THSD4: variants seen among roughly 807,000 people sequenced by gnomAD.
THSD4 encodes thrombospondin type-1 domain-containing protein 4.
A neutral mutation model predicts 119.0 loss-of-function variants in THSD4; 69 were observed. That is an observed-to-expected ratio of 0.58 (90% confidence interval 0.48 to 0.71). THSD4 has a LOEUF of 0.71. THSD4 is among the 30% of genes least tolerant of loss of function. THSD4 has a pLI of 0.00. For missense variants in THSD4, 1,393 were observed against 1,391.1 expected (o/e 1.00, Z -0.02); for synonymous variants, 524 against 540.4 (o/e 0.97, Z 0.42).
chr15:71,437,858 T>A (rs1441354), intron 7 of THSD4, among the ~76,000 whole-genome samples: 51,024 of 152,100 alleles, frequency 0.34, 8,728 homozygotes, highest in Middle Eastern at 0.47. Context: ...GCTATCCACT[T>A]TTTGGCTATT....
At chr15:71,197,037 A>G (rs189196122) in intron 3 of THSD4, among the ~76,000 whole-genome samples, 14 of 152,178 alleles carry the variant, frequency 9.2e-5, no homozygotes, top group African/African-American at 3.1e-4. Context: ...GGGCAAGAGA[A>G]AGAGAAAAAC....
chr15:71,247,994 G>C (rs1254260683), intron 5 of THSD4, among the ~76,000 whole-genome samples: 2 of 152,166 alleles, frequency 1.3e-5, no homozygotes, highest in Non-Finnish European at 2.9e-5. Flanking sequence ...AGACTCAGTT[G>C]GGCTTGATTG....
intron 7 of THSD4, among the ~76,000 whole-genome samples, chr15:71,478,535 C>G (rs2047682586): frequency 6.6e-6 from 1 of 152,152 alleles, no homozygotes; most frequent in Admixed American, 6.6e-5. Context: ...AAATCAAAGT[C>G]ACAACAGCAC....
rs1227460051 is a variant in THSD4 at position 71,728,975 on chromosome 15, C to T, written c.1533+251C>T. 9 of 514,620 alleles carry T rather than the reference C, an allele frequency of 1.7e-5. No individual in the cohort carries two copies. The Middle Eastern group carries it at 1.6e-3, about 93-fold the overall frequency. The allele number at this position is 514,620 out of a possible 1,614,324, so 31.9% of individuals were successfully genotyped here. ...TCGGAGTTTATTGACCCAGTAAAAC[C>T]AATTTTACTTGTTGAACCAAATCAG... On this transcript the variant is annotated intron_variant, in intron 9 of 17. Coordinates refer to ENST00000261862, the MANE Select transcript of THSD4 (RefSeq NM_024817.3).
intron 6 of THSD4, among the ~76,000 whole-genome samples, chr15:71,411,441 C>G (rs79883588): frequency 0.029 from 4,466 of 152,216 alleles, 240 homozygotes; most frequent in African/African-American, 0.1. Flanking sequence ...TGACAGCTCA[C>G]AGGCACAGGG....
intron 7 of THSD4, among the ~76,000 whole-genome samples, chr15:71,488,427 C>T (rs143495455): frequency 3.9e-5 from 6 of 152,238 alleles, no homozygotes; most frequent in African/African-American, 9.6e-5. Context: ...TTATTGCTCA[C>T]GTCAGAAAAC....
chr15:71,361,093 G>T (rs978355827), intron 6 of THSD4, among the ~76,000 whole-genome samples: 5 of 152,192 alleles, frequency 3.3e-5, no homozygotes, highest in African/African-American at 1.2e-4. Flanking sequence ...GCAGGCAAGG[G>T]TGGCACATGC....
rs189716518 is a variant in THSD4, at chr15:71,135,366, A to T, written c.-79-6083A>T. Among the ~76,000 whole-genome samples the T allele has an allele frequency of 4.0e-3, 596 of 147,822 alleles. 5 individuals carry two copies. The highest frequency in any genetic ancestry group is 0.014 in the African/African-American group (573 of 40,014). ...TACCCTAAAACTTAAAGTATAATAA[A>T]AAAAAAAAAGAAACTTACTAAATGA... is the stretch of plus-strand genomic sequence containing the variant. On this transcript the variant is annotated intron_variant, in intron 1 of 17. Coordinates refer to ENST00000261862, the MANE Select transcript of THSD4 (RefSeq NM_024817.3).
At chr15:71,348,917 C>T (rs1304623051) in intron 6 of THSD4, among the ~76,000 whole-genome samples, 1 of 152,222 alleles carries the variant, frequency 6.6e-6, no homozygotes, top group East Asian at 1.9e-4. Flanking sequence ...TATGCAGGTT[C>T]TTGCATTTTT....
intron 6 of THSD4, among the ~76,000 whole-genome samples, chr15:71,351,059 C>T (rs1340686242): frequency 6.6e-6 from 1 of 152,150 alleles, no homozygotes; most frequent in Non-Finnish European, 1.5e-5. Flanking sequence ...GAAGTGCTTT[C>T]TAAGGCCAGC....
chr15:71,285,737 C>A (rs1231233202), intron 6 of THSD4, among the ~76,000 whole-genome samples: 1 of 151,536 alleles, frequency 6.6e-6, no homozygotes, highest in Admixed American at 6.6e-5. Flanking sequence ...ACCTGTAGTC[C>A]CAGCTATTCA....
chr15:71,617,891 C>T (rs116995465), intron 7 of THSD4, among the ~76,000 whole-genome samples: 7,822 of 152,230 alleles, frequency 0.051, 297 homozygotes, highest in Admixed American at 0.1. Flanking sequence ...AACAATTTTC[C>T]AGTTAGCTCC....
At chr15:71,557,782 TTATC>T in intron 7 of THSD4, among the ~76,000 whole-genome samples, 1 of 152,316 alleles carries the variant, frequency 6.6e-6, no homozygotes, top group African/African-American at 2.4e-5. Context: ...TACCTTCTAA[TTATC>T]TACAGCATCT....
intron 7 of THSD4, among the ~76,000 whole-genome samples, chr15:71,452,746 G>C (rs1423404446): frequency 6.6e-6 from 1 of 152,108 alleles, no homozygotes; most frequent in East Asian, 1.9e-4. Flanking sequence ...CTCCCACGTA[G>C]CTGGGATTAC....
intron 7 of THSD4, among the ~76,000 whole-genome samples, chr15:71,431,361 T>C (rs1223788448): frequency 6.6e-6 from 1 of 152,178 alleles, no homozygotes; most frequent in African/African-American, 2.4e-5. Context: ...TTAGCAGAGG[T>C]CTATATTTCA....
intron 6 of THSD4, chr15:71,341,225 T>G (rs1449767107): frequency 6.3e-7 from 1 of 1,589,552 alleles, no homozygotes; most frequent in African/African-American, 1.3e-5. Context: ...CTGGGCAACC[T>G]CCTCTTCTGG....
chr15:71,709,986 C>T (rs752524751), intron 8 of THSD4, among the ~76,000 whole-genome samples: 1 of 152,188 alleles, frequency 6.6e-6, no homozygotes, highest in Non-Finnish European at 1.5e-5. Context: ...TGTGGGGAAT[C>T]CCCTGCCTCT....
At chr15:71,546,504 G>A (rs2048839949) in intron 7 of THSD4, among the ~76,000 whole-genome samples, 1 of 152,208 alleles carries the variant, frequency 6.6e-6, no homozygotes, top group Admixed American at 6.5e-5. Context: ...AGTCTACTCA[G>A]AGGTAGCTCT....
rs115303751 is a variant in THSD4, at chr15:71,760,728, G to A, written c.2589+2653G>A. 6.6e-3 allele frequency among the ~76,000 whole-genome samples: 998 copies of A among 152,184 alleles called. 13 individuals are homozygous for A. The highest frequency in any genetic ancestry group is 0.023 in the African/African-American group (960 of 41,526). On this transcript the variant is annotated intron_variant, in intron 15 of 17. Coordinates refer to ENST00000261862, the MANE Select transcript of THSD4 (RefSeq NM_024817.3). ...TAGATATATTTATTCTCATCTCTTCGCGAATCAGTGATCCACAAAAGTGCA... is the reference window on the plus strand; with the variant it reads ...TAGATATATTTATTCTCATCTCTTCACGAATCAGTGATCCACAAAAGTGCA...
Sources: gnomAD v4.1 joint callset for allele counts (sites outside exome capture counted in the v4.1 genomes callset) on GRCh38, gnomAD v4.1.1 for gene constraint, MANE v1.5 for transcripts, NCBI Gene and HGNC (gene_info 2026-07-23, HGNC 2026-07-21) for gene names.